OPCML: variants seen among roughly 807,000 people sequenced by gnomAD.
OPCML encodes the protein opioid binding protein/cell adhesion molecule like.
OPCML carries 13 observed loss-of-function variants against 37.8 expected under a neutral mutation model. The observed-to-expected ratio is 0.34, with a 90% confidence interval of 0.22 to 0.55. The LOEUF is 0.55. Ranked by LOEUF, OPCML falls within the 20% of genes least tolerant of loss-of-function variation. The pLI is 0.91. For synonymous variants in OPCML, 176 were observed against 168.8 expected (o/e 1.04, Z -0.33); for missense variants, 341 against 435.6 (o/e 0.78, Z 1.93).
intron 2 of OPCML, among the ~76,000 whole-genome samples, chr11:132,813,167 ATT>A (rs1412235538): frequency 6.6e-6 from 1 of 152,100 alleles, no homozygotes; most frequent in African/African-American, 2.4e-5. Context: ...ATAACTTTAT[ATT>A]TTGATGATAT....
chr11:132,943,324 A>T lies in OPCML; in HGVS notation c.62-314T>A. 1.6e-6 allele frequency: 1 copy of T among 617,350 alleles called. No homozygotes were observed. 38.2% of individuals were successfully genotyped at this position (617,350 alleles called of 1,614,324 possible). A position where few individuals can be genotyped will look rare whatever the true frequency, so the allele number is the denominator to read the frequency against. On this transcript the variant is annotated intron_variant, in intron 1 of 7. Coordinates refer to ENST00000524381, the MANE Select transcript of OPCML (RefSeq NM_001012393.5). The surrounding 1 kb of genome is among the most constrained non-coding windows in gnomAD (Gnocchi z 4.3). ...AACCAGATGCCCCCTCCTGCATCCA[A>T]AAAGAGCTTTCTTGACGCTCCCCTG...
At chr11:132,911,378 GAA>G (rs1944423157) in intron 2 of OPCML, among the ~76,000 whole-genome samples, 1 of 152,196 alleles carries the variant, frequency 6.6e-6, no homozygotes, top group African/African-American at 2.4e-5. Context: ...CTATGGTGCA[GAA>G]AGAGACACGA....
At chr11:132,575,831 G>C (rs2096449179) in intron 3 of OPCML, among the ~76,000 whole-genome samples, 1 of 152,140 alleles carries the variant, frequency 6.6e-6, no homozygotes, top group South Asian at 2.1e-4. Context: ...CAGGTTTAGT[G>C]GTGACGAATA....
chr11:133,063,212 T>G (rs1948380923), intron 1 of OPCML, among the ~76,000 whole-genome samples: 1 of 152,098 alleles, frequency 6.6e-6, no homozygotes, highest in Non-Finnish European at 1.5e-5. Context: ...AGGCTCCGAG[T>G]GAGAACAGAC....
chr11:133,238,440 C>T (rs928934748), intron 1 of OPCML, among the ~76,000 whole-genome samples: 1 of 152,202 alleles, frequency 6.6e-6, no homozygotes, highest in Admixed American at 6.5e-5. Context: ...TGTCTCAGCT[C>T]TATTGGCTTA....
intron 2 of OPCML, among the ~76,000 whole-genome samples, chr11:132,824,544 G>GTCTCCACTT (rs1940187269): frequency 6.6e-6 from 1 of 151,990 alleles, no homozygotes; most frequent in Non-Finnish European, 1.5e-5. Context: ...TATACACTTT[G>GTCTCCACTT]TCTCCACTTA....
rs762317193 is a variant in OPCML, at chr11:132,624,937, AT to A, written c.379+32149del. The stretch of plus-strand genomic sequence containing the variant: ...CAGCATCAAATCATTTTTTATTCAA[AT>A]TTAACTGGGTATCCTGTATTTTTTC... On this transcript the variant is annotated intron_variant, in intron 3 of 7. Transcript: ENST00000524381. Among the ~76,000 whole-genome samples the A allele has an allele frequency of 1.2e-3, 176 of 152,188 alleles. 1 individual carries two copies. The highest frequency in any genetic ancestry group is 1.9e-3 in the Non-Finnish European group (128 of 68,010).
intron 1 of OPCML, among the ~76,000 whole-genome samples, chr11:133,358,786 G>A (rs1259650564): frequency 2.0e-5 from 3 of 152,086 alleles, no homozygotes; most frequent in African/African-American, 4.8e-5. Flanking sequence ...TGGCATTTGA[G>A]CAGAGCCCTG....
chr11:133,003,290 G>C (rs1332099593), intron 1 of OPCML, among the ~76,000 whole-genome samples: 1 of 152,140 alleles, frequency 6.6e-6, no homozygotes, highest in African/African-American at 2.4e-5. Flanking sequence ...GTGCCTTCCT[G>C]CTCCTTCCTA....
At chr11:133,000,084 T>C (rs1473861273) in intron 1 of OPCML, among the ~76,000 whole-genome samples, 1 of 152,198 alleles carries the variant, frequency 6.6e-6, no homozygotes, top group Non-Finnish European at 1.5e-5. Context: ...TGAGACACAG[T>C]CTCACTCTGT....
chr11:132,800,599 TTGAG>T (rs1938585626), intron 2 of OPCML, among the ~76,000 whole-genome samples: 3 of 152,164 alleles, frequency 2.0e-5, no homozygotes. Context: ...GTCTAATTTC[TTGAG>T]TGTTTTTATT....
At chr11:132,507,124 T>A (rs913403273) in intron 4 of OPCML, among the ~76,000 whole-genome samples, 15 of 144,460 alleles carry the variant, frequency 1.0e-4, no homozygotes, top group African/African-American at 2.5e-4. Flanking sequence ...AAAAAAAAAA[T>A]TATACTGATA....
intron 2 of OPCML, among the ~76,000 whole-genome samples, chr11:132,717,202 A>G (rs1312049728): frequency 1.3e-5 from 2 of 152,218 alleles, no homozygotes; most frequent in African/African-American, 4.8e-5. Context: ...TTGGATGCTA[A>G]CAGTCTTACT....
rs146934014 is a variant in OPCML at position 133,189,121 on chromosome 11, C to A, written c.62-246111G>T. 1.8e-3 allele frequency among the ~76,000 whole-genome samples: 270 copies of A among 152,296 alleles called. 3 individuals carry two copies. The highest frequency in any genetic ancestry group is 5.2e-3 in the East Asian group (27 of 5,186). On this transcript the variant is annotated intron_variant, in intron 1 of 7. Transcript: ENST00000524381. ...CATCCACTTGCCCAAATCAAGACCT[C>A]ATCCTTACTGCCTTCTTTCCCCTCA...
chr11:133,163,720 A>G (rs1175681531), intron 1 of OPCML, among the ~76,000 whole-genome samples: 1 of 152,080 alleles, frequency 6.6e-6, no homozygotes, highest in African/African-American at 2.4e-5. Context: ...TCTCCCACCC[A>G]CTTTTTAACT....
Position 133,206,501 on chromosome 11 carries a change from G to A in OPCML, c.62-263491C>T, listed in dbSNP as rs1249057425. ...TGATTCTTCCGTTAAAGTTGTGAAAGCGTGTTAAGAGAGGAAGAGAAACAC... is the reference window on the plus strand; with the variant it reads ...TGATTCTTCCGTTAAAGTTGTGAAAACGTGTTAAGAGAGGAAGAGAAACAC... On this transcript the variant is annotated intron_variant, in intron 1 of 7. Coordinates refer to ENST00000524381, the MANE Select transcript of OPCML (RefSeq NM_001012393.5). The surrounding 1 kb of genome is among the most constrained non-coding windows in gnomAD (Gnocchi z 4.7). Among the ~76,000 whole-genome samples, 1 of 152,176 alleles carries A rather than the reference G, an allele frequency of 6.6e-6. No homozygotes were observed. Among genetic ancestry groups the A allele is most frequent in the Non-Finnish European group, 1.5e-5 (1 of 68,032 alleles).
At chr11:133,058,022 G>A (rs1202286650) in intron 1 of OPCML, among the ~76,000 whole-genome samples, 1 of 152,214 alleles carries the variant, frequency 6.6e-6, no homozygotes, top group South Asian at 2.1e-4. Context: ...CAGGGCTAGA[G>A]CTATGTCTGT....
chr11:132,652,385 C>CACACACACACACACACACAG (rs3222177), intron 3 of OPCML, among the ~76,000 whole-genome samples: 1 of 126,876 alleles, frequency 7.9e-6, no homozygotes, highest in African/African-American at 3.6e-5. Context: ...CACACACACA[C>CACACACACACACACACACAG]AGAGAGAGAA....
intron 1 of OPCML, among the ~76,000 whole-genome samples, chr11:133,437,873 T>C (rs1156670097): frequency 6.6e-6 from 1 of 152,104 alleles, no homozygotes; most frequent in Non-Finnish European, 1.5e-5. Flanking sequence ...AAACCTATAC[T>C]CCACACCCTG....
Sources: allele counts gnomAD v4.1 joint callset (sites outside exome capture counted in the v4.1 genomes callset), GRCh38; gene constraint gnomAD v4.1.1; non-coding constraint Gnocchi (gnomAD v3.1); transcripts MANE v1.5; gene names NCBI Gene and HGNC (gene_info 2026-07-23, HGNC 2026-07-21).